CNTNAP2: variants seen among roughly 807,000 people sequenced by gnomAD.
CNTNAP2 encodes the protein contactin-associated protein-like 2.
Under a neutral mutation model 155.2 loss-of-function variants are expected in CNTNAP2, and 98 were observed. The observed-to-expected ratio is 0.63, with a 90% CI of 0.54 to 0.75. The LOEUF is 0.75. CNTNAP2 is among the 30% of genes least tolerant of loss of function. The pLI, the probability that CNTNAP2 is intolerant of heterozygous loss-of-function variation, is 0.00. For synonymous variants in CNTNAP2, 651 were observed against 631.2 expected, an observed-to-expected ratio of 1.03 and a Z score of -0.47; for missense variants, 1,727 against 1,688.1, an observed-to-expected ratio of 1.02 and a Z score of -0.40.
At chr7:148,155,154 A>T (rs1334985737) in intron 17 of CNTNAP2, among the ~76,000 whole-genome samples, 2 of 152,182 alleles carry the variant, frequency 1.3e-5, no homozygotes, top group East Asian at 3.9e-4. Context: ...TTTTATTCTC[A>T]CATTAAAGAT....
At chr7:147,870,904 T>A (rs1387189487) in intron 13 of CNTNAP2, among the ~76,000 whole-genome samples, 1 of 151,864 alleles carries the variant, frequency 6.6e-6, no homozygotes, top group Non-Finnish European at 1.5e-5. Context: ...CCTTTCAGAG[T>A]CCCTCCTATC....
intron 8 of CNTNAP2, among the ~76,000 whole-genome samples, chr7:147,209,026 G>A (rs995144473): frequency 6.6e-6 from 1 of 151,744 alleles, no homozygotes; most frequent in Non-Finnish European, 1.5e-5. Context: ...TATGTATATT[G>A]TGTTTAAAAT....
intron 8 of CNTNAP2, among the ~76,000 whole-genome samples, chr7:147,135,530 T>G (rs78849630): frequency 6.6e-6 from 1 of 151,782 alleles, no homozygotes; most frequent in African/African-American, 2.4e-5. Flanking sequence ...ATTAAACAGG[T>G]GCAAAAAGGG....
intron 2 of CNTNAP2, among the ~76,000 whole-genome samples, chr7:146,816,838 C>A (rs1254346709): frequency 6.6e-6 from 1 of 152,164 alleles, no homozygotes; most frequent in African/African-American, 2.4e-5. Flanking sequence ...GCTTAAGTTT[C>A]TTTAATTGTA....
intron 20 of CNTNAP2, among the ~76,000 whole-genome samples, chr7:148,266,807 G>A (rs536164831): frequency 1.2e-4 from 18 of 152,100 alleles, no homozygotes; most frequent in East Asian, 1.9e-4. Context: ...CTGGAGAGCC[G>A]TTCATAAAGG....
At chr7:148,333,691 G>C (rs1798069545) in intron 21 of CNTNAP2, among the ~76,000 whole-genome samples, 1 of 152,208 alleles carries the variant, frequency 6.6e-6, no homozygotes, top group Admixed American at 6.5e-5. Flanking sequence ...GATTCATGTA[G>C]AGACAGTTGT....
At chr7:147,704,831 A>T (rs1026993232) in intron 13 of CNTNAP2, among the ~76,000 whole-genome samples, 1 of 152,028 alleles carries the variant, frequency 6.6e-6, no homozygotes, top group African/African-American at 2.4e-5. Flanking sequence ...AATTTTAGAC[A>T]TGTTCTCTAG....
chr7:147,487,146 G>C (rs1334136109), intron 11 of CNTNAP2, among the ~76,000 whole-genome samples: 1 of 151,986 alleles, frequency 6.6e-6, no homozygotes, highest in Non-Finnish European at 1.5e-5. Context: ...AGAAGAAATC[G>C]TGTTTTGAAT....
intron 1 of CNTNAP2, among the ~76,000 whole-genome samples, chr7:146,459,957 G>A (rs796500437): frequency 1.8e-4 from 28 of 152,138 alleles, no homozygotes; most frequent in African/African-American, 6.0e-4. Flanking sequence ...GTGACAGAGC[G>A]AGACTCCATC....
chr7:147,558,977 C>G (rs1800006411), intron 11 of CNTNAP2, among the ~76,000 whole-genome samples: 1 of 152,140 alleles, frequency 6.6e-6, no homozygotes, highest in Non-Finnish European at 1.5e-5. Flanking sequence ...TCTTGACCTT[C>G]AGCCCACGTT....
chr7:148,405,493 T>C (rs964549120), intron 22 of CNTNAP2, among the ~76,000 whole-genome samples: 4 of 140,348 alleles, frequency 2.9e-5, no homozygotes, highest in African/African-American at 5.4e-5. Context: ...AGTGGTGCAA[T>C]CTCGGCTCGC....
intron 1 of CNTNAP2, among the ~76,000 whole-genome samples, chr7:146,391,277 A>G (rs913968454): frequency 6.6e-6 from 1 of 151,868 alleles, no homozygotes; most frequent in Non-Finnish European, 1.5e-5. Flanking sequence ...TAAACAAAGC[A>G]GCCTACTGTG....
chr7:147,536,703 G>A (rs912712338), intron 11 of CNTNAP2, among the ~76,000 whole-genome samples: 4 of 152,094 alleles, frequency 2.6e-5, no homozygotes, highest in East Asian at 3.9e-4. Context: ...GTGCTAACAC[G>A]CAGCGTTCTC....
intron 1 of CNTNAP2, among the ~76,000 whole-genome samples, chr7:146,752,024 G>A (rs1282083221): frequency 1.3e-5 from 2 of 151,932 alleles, no homozygotes; most frequent in African/African-American, 2.4e-5. Context: ...GCAGTCTATC[G>A]TTGATGGGCA....
At chr7:146,346,555 G>C (rs1794821706) in intron 1 of CNTNAP2, among the ~76,000 whole-genome samples, 1 of 152,116 alleles carries the variant, frequency 6.6e-6, no homozygotes, top group South Asian at 2.1e-4. Flanking sequence ...GATTGTGCAT[G>C]CCTGTAATCC....
chr7:147,771,751 C>CT (rs967033857), intron 13 of CNTNAP2, among the ~76,000 whole-genome samples: 18 of 150,846 alleles, frequency 1.2e-4, no homozygotes, highest in East Asian at 1.9e-4. Flanking sequence ...GGTCTTAACC[C>CT]TTTTTTTTTC....
intron 11 of CNTNAP2, among the ~76,000 whole-genome samples, chr7:147,493,997 C>T (rs1295551804): frequency 1.3e-5 from 2 of 152,096 alleles, no homozygotes; most frequent in Non-Finnish European, 2.9e-5. Flanking sequence ...AGCCCTTGCT[C>T]AGCTGTATGT....
At chr7:146,388,740 C>G (rs1467216221) in intron 1 of CNTNAP2, among the ~76,000 whole-genome samples, 1 of 152,178 alleles carries the variant, frequency 6.6e-6, no homozygotes, top group East Asian at 1.9e-4. Context: ...TTAACCATCT[C>G]TAACTCCTCA....
intron 12 of CNTNAP2, among the ~76,000 whole-genome samples, chr7:147,585,771 A>T (rs1190683701): frequency 2.5e-5 from 2 of 78,720 alleles, no homozygotes; most frequent in Non-Finnish European, 4.9e-5. Flanking sequence ...TTGTGTGTAT[A>T]TATATGTGTG....
Sources: gnomAD v4.1 joint callset for allele counts (sites outside exome capture counted in the v4.1 genomes callset) on GRCh38, gnomAD v4.1.1 for gene constraint, MANE v1.5 for transcripts, NCBI Gene and HGNC (gene_info 2026-07-23, HGNC 2026-07-21) for gene names.